The following PDGFB variants were observed in gnomAD, a reference collection of about 807,000 sequenced individuals.
The protein encoded by PDGFB is platelet derived growth factor subunit B.
Under a neutral mutation model 29.0 loss-of-function variants are expected in PDGFB, and 6 were observed. That is an observed-to-expected ratio of 0.21 (90% confidence interval 0.11 to 0.41). The LOEUF (loss-of-function observed/expected upper bound fraction) is 0.41, where lower values mean the gene tolerates loss of function less well. PDGFB is among the 10% of genes least tolerant of loss of function. The pLI is 1.00. For synonymous variants in PDGFB, 144 were observed against 140.8 expected (o/e 1.02, Z -0.16); for missense variants, 299 against 341.8 (o/e 0.87, Z 0.99).
At chr22:39,226,716 C>T (rs1433374883) in intron 5 of PDGFB, among the ~76,000 whole-genome samples, 11 of 152,208 alleles carry the variant, frequency 7.2e-5, no homozygotes, top group Admixed American at 5.9e-4. Flanking sequence ...CAGCCCCGTC[C>T]GATCACGTGG....
In PDGFB at chr22:39,225,248, G is replaced by A. The variant is rs546709987; in HGVS notation, c.*94C>T. ...ATCAGGCATCGAGACAGACGGACGA[G>A]GGAAACAATATTATCACTCCAAGGA... On this transcript the variant is annotated 3_prime_UTR_variant, in exon 7 of 7. Coordinates refer to ENST00000331163, the MANE Select transcript of PDGFB (RefSeq NM_002608.4). 6.5e-6 allele frequency: 1 copy of A among 152,978 alleles called. No homozygotes were observed. The highest frequency in any genetic ancestry group is 1.9e-4 in the East Asian group (1 of 5,282). The allele number at this position is 152,978 out of a possible 1,614,324, so 9.5% of individuals were successfully genotyped here.
chr22:39,237,082 T>G (rs895922947), intron 1 of PDGFB, among the ~76,000 whole-genome samples: 2 of 151,918 alleles, frequency 1.3e-5, no homozygotes, highest in African/African-American at 4.8e-5. Flanking sequence ...CAGGCTACCT[T>G]CACAAAAGGG....
intron 1 of PDGFB, among the ~76,000 whole-genome samples, chr22:39,239,556 C>T (rs774347533): frequency 2.6e-5 from 4 of 152,104 alleles, no homozygotes; most frequent in Non-Finnish European, 5.9e-5. Context: ...GCACAGGTTC[C>T]GCAGGCCTCC....
At chr22:39,226,385 T>C (rs2285096) in intron 5 of PDGFB, among the ~76,000 whole-genome samples, 56,538 of 151,936 alleles carry the variant, frequency 0.37, 11,053 homozygotes, top group Middle Eastern at 0.49. Flanking sequence ...TCTGGCTACC[T>C]TGCTGGAGAG....
rs114397423 is a variant in PDGFB at position 39,225,750 on chromosome 22, C to T, written c.699G>A (p.Thr233=). 116 of 1,614,036 alleles carry T rather than the reference C, an allele frequency of 7.2e-5. No homozygotes were observed. The East Asian group carries it at 1.0e-3, about 14-fold the overall frequency. ...HRKFKHTHDK[T]ALKETLGA ...AGGCTCCAAGGGTCTCCTTCAGTGC[C>T]GTCTTGTCATGCGTGTGCTTGAATT... The change falls in exon 6 of 7, where the codon ACG becomes ACA. Residue 233 remains threonine, a synonymous_variant. Transcript: ENST00000331163.
chr22:39,225,776 T>C lies in PDGFB; in HGVS notation c.673A>G (p.Lys225Glu). The C allele has an allele frequency of 1.2e-6, 2 of 1,614,176 alleles. No individual in the cohort carries two copies. The highest frequency in any genetic ancestry group is 1.7e-6 in the Non-Finnish European group (2 of 1,180,000). Residue 225 changes from lysine (K) to glutamate (E), a missense_variant, in exon 6 of 7, where the codon AAA becomes GAA. Transcript: ENST00000331163. ...VRRPPKGKHR[K>E]FKHTHDKTAL... ...GTCTTGTCATGCGTGTGCTTGAATT[T>C]CCGGTGCTTGCCCTTGGGGGGCCGG... is the stretch of plus-strand genomic sequence containing the variant.
intron 2 of PDGFB, among the ~76,000 whole-genome samples, chr22:39,234,312 A>T (rs541105820): frequency 6.6e-6 from 1 of 152,322 alleles, no homozygotes; most frequent in Admixed American, 6.5e-5. Flanking sequence ...CCTTGGAGAC[A>T]TCGGTCCTTT....
intron 3 of PDGFB, among the ~76,000 whole-genome samples, chr22:39,232,300 C>T (rs1272059000): frequency 6.6e-6 from 1 of 152,226 alleles, no homozygotes; most frequent in Non-Finnish European, 1.5e-5. Flanking sequence ...GCCTCAGCTT[C>T]CTCCTCTATG....
chr22:39,235,761 G>T lies in PDGFB; in HGVS notation c.160+17C>A, dbSNP rs755404591. ...TCTCCTCGGAGGGCCGGAGCGCGGG[G>T]CGAGGATTCCATTTACCTCCGGGGT... On this transcript the variant is annotated intron_variant, in intron 2 of 6. Coordinates refer to ENST00000331163, the MANE Select transcript of PDGFB (RefSeq NM_002608.4). The T allele has an allele frequency of 3.2e-6, 5 of 1,585,044 alleles. No individual in the cohort carries two copies. The African/African-American group carries it at 6.7e-5, about 21-fold the overall frequency.
Position 39,235,825 on chromosome 22 carries a change from A to G in PDGFB, c.113T>C (p.Ile38Thr). The G allele has an allele frequency of 6.2e-7, 1 of 1,614,050 alleles. No homozygotes were observed. Among genetic ancestry groups the G allele is most frequent in the Non-Finnish European group, 8.5e-7 (1 of 1,179,978 alleles). ...ELYEMLSDHS[I>T]RSFDDLQRLL... is the part of the protein sequence containing the mutation. The stretch of plus-strand genomic sequence containing the variant: ...GCGTTGGAGATCATCAAAGGAGCGG[A>G]TCGAGTGGTCACTCAGCATCTCATA... Residue 38 changes from isoleucine to threonine, a missense_variant, in exon 2 of 7, where the codon ATC becomes ACC. Ile to Thr is a moderately conservative substitution (Grantham distance 89, BLOSUM62 -1). Coordinates refer to ENST00000331163, the MANE Select transcript of PDGFB (RefSeq NM_002608.4).
intron 3 of PDGFB, among the ~76,000 whole-genome samples, chr22:39,232,395 A>G (rs1364486316): frequency 6.6e-6 from 1 of 152,194 alleles, no homozygotes; most frequent in African/African-American, 2.4e-5. Context: ...CACTGAGGTT[A>G]CCGATGCTAT....
rs926065845 is a variant in PDGFB, at chr22:39,223,479, C to T, written c.*1863G>A. 4 of 152,464 alleles carry T rather than the reference C, an allele frequency of 2.6e-5. No homozygotes were observed. The East Asian group carries it at 7.7e-4, about 29-fold the overall frequency. 9.4% of individuals were successfully genotyped at this position (152,464 alleles called of 1,614,324 possible). The stretch of plus-strand genomic sequence containing the variant: ...TCTCTTCTTCCCGCCAGACAGAGGC[C>T]TCCCCCAAGTTGCAGGCCTGCGTGT... On this transcript the variant is annotated 3_prime_UTR_variant, in exon 7 of 7. Coordinates refer to ENST00000331163, the MANE Select transcript of PDGFB (RefSeq NM_002608.4).
intron 5 of PDGFB, among the ~76,000 whole-genome samples, chr22:39,227,495 A>G (rs558295364): frequency 2.6e-5 from 4 of 152,356 alleles, no homozygotes; most frequent in Non-Finnish European, 4.4e-5. Flanking sequence ...AGTGTTTACC[A>G]TGTACCTGGT....
At chr22:39,236,695 A>C (rs1422983568) in intron 1 of PDGFB, among the ~76,000 whole-genome samples, 1 of 152,204 alleles carries the variant, frequency 6.6e-6, no homozygotes, top group Non-Finnish European at 1.5e-5. Flanking sequence ...CACGTCCCCC[A>C]CAGTCCCAGG....
rs1255929711 is a variant in PDGFB at position 39,242,811 on chromosome 22, C to CGG, written c.63+1088_63+1089dup. 8.7e-6 allele frequency: 2 copies of CGG among 231,170 alleles called. No homozygotes were observed. Among genetic ancestry groups the CGG allele is most frequent in the Non-Finnish European group, 1.7e-5 (2 of 116,746 alleles). 14.3% of individuals were successfully genotyped at this position (231,170 alleles called of 1,614,324 possible). A position where few individuals can be genotyped will look rare whatever the true frequency, so the allele number is the denominator to read the frequency against. ...GAGCCGGCGAGGTGCGGGCGAGGTG[C>CGG]GGACTCCCGGCCGCAGCCGGGCGGA... On this transcript the variant is annotated intron_variant, in intron 1 of 6. Coordinates refer to ENST00000331163, the MANE Select transcript of PDGFB (RefSeq NM_002608.4). This position sits in a 1 kb window ranked among gnomAD's most constrained non-coding sequence, Gnocchi z 5.7.
At chr22:39,230,282 G>T in intron 4 of PDGFB, 54 bp from the exon 5 acceptor site, 1 of 1,595,770 alleles carries the variant, frequency 6.3e-7, no homozygotes, top group Non-Finnish European at 8.6e-7. Context: ...CCAGGAGCCC[G>T]GGAAGCCCGA....
In PDGFB at chr22:39,242,882, T is replaced by G. The variant is rs540908746; in HGVS notation, c.63+1019A>C. 1 of 232,300 alleles carries G rather than the reference T, an allele frequency of 4.3e-6. No individual in the cohort carries two copies. Among genetic ancestry groups the G allele is most frequent in the Non-Finnish European group, 8.5e-6 (1 of 117,638 alleles). 14.4% of individuals were successfully genotyped at this position (232,300 alleles called of 1,614,324 possible). A position where few individuals can be genotyped will look rare whatever the true frequency, so the allele number is the denominator to read the frequency against. The stretch of plus-strand genomic sequence containing the variant: ...CGCCGCGCTCCCGGCTGCCCTCTCC[T>G]CCCCTCCACCGCGCGCGTCGTCCTG... On this transcript the variant is annotated intron_variant, in intron 1 of 6. Transcript: ENST00000331163. The surrounding 1 kb of genome is among the most constrained non-coding windows in gnomAD (Gnocchi z 5.7).
chr22:39,230,409 C>T (rs563792001), intron 4 of PDGFB, among the ~76,000 whole-genome samples, 181 bp from the exon 5 acceptor site: 14 of 152,372 alleles, frequency 9.2e-5, no homozygotes, highest in African/African-American at 3.4e-4. Flanking sequence ...GACCTCTGCC[C>T]TTCTCGTAGC....
At chr22:39,237,241 C>A (rs1876454769) in intron 1 of PDGFB, among the ~76,000 whole-genome samples, 1 of 149,788 alleles carries the variant, frequency 6.7e-6, no homozygotes, top group African/African-American at 2.5e-5. Context: ...TCCAGGGGTT[C>A]ATCCATGACC....
Sources: allele counts gnomAD v4.1 joint callset (sites outside exome capture counted in the v4.1 genomes callset), GRCh38; gene constraint gnomAD v4.1.1; non-coding constraint Gnocchi (gnomAD v3.1); transcripts MANE v1.5; gene names NCBI Gene and HGNC (gene_info 2026-07-23, HGNC 2026-07-21).